Variants in COL4A1 observed in about 807,000 individuals in gnomAD.
COL4A1 encodes the protein collagen type IV alpha 1 chain.
A neutral mutation model predicts 216.6 loss-of-function variants in COL4A1; 40 were observed. That is an observed-to-expected ratio of 0.18 (90% CI 0.14 to 0.24). The LOEUF (loss-of-function observed/expected upper bound fraction) is 0.24, where lower values mean the gene tolerates loss of function less well. Ranked by LOEUF, COL4A1 falls within the 10% of genes least tolerant of loss-of-function variation. The pLI is 1.00. For synonymous variants in COL4A1, 839 were observed against 810.7 expected, an observed-to-expected ratio of 1.03 and a Z score of -0.59; for missense variants, 1,628 against 2,196.8, an observed-to-expected ratio of 0.74 and a Z score of 5.18.
At chr13:110,200,732 G>A (rs1879152178) in intron 20 of COL4A1, 122 bp downstream of exon 20, 2 of 1,073,450 alleles carry the variant, frequency 1.9e-6, no homozygotes, top group African/African-American at 3.1e-5. Context: ...TAGAAAAGAT[G>A]TCGTAAGATT....
At chr13:110,229,865 T>C (rs1026458123) in intron 2 of COL4A1, among the ~76,000 whole-genome samples, 1 of 152,222 alleles carries the variant, frequency 6.6e-6, no homozygotes, top group African/African-American at 2.4e-5. Context: ...GCCTCTGCCC[T>C]GTAAAATGTC....
intron 17 of COL4A1, among the ~76,000 whole-genome samples, chr13:110,204,274 T>C (rs1426395735): frequency 6.6e-6 from 1 of 152,206 alleles, no homozygotes; most frequent in East Asian, 1.9e-4. Context: ...TCCTTTTAAA[T>C]TAAGGCAGTA....
chr13:110,305,897 CAAAG>C (rs1884681069), intron 1 of COL4A1: 1 of 152,076 alleles, frequency 6.6e-6, no homozygotes, highest in Non-Finnish European at 1.5e-5. Flanking sequence ...AAGAGGAAAA[CAAAG>C]AACAAGATTA....
At chr13:110,236,782 G>C (rs1008955947) in intron 2 of COL4A1, among the ~76,000 whole-genome samples, 1 of 152,224 alleles carries the variant, frequency 6.6e-6, no homozygotes, top group Non-Finnish European at 1.5e-5. Context: ...CCTGAAACAG[G>C]CTTACTTCAA....
intron 1 of COL4A1, among the ~76,000 whole-genome samples, chr13:110,245,886 A>G (rs1412948080): frequency 6.6e-6 from 1 of 152,206 alleles, no homozygotes; most frequent in Non-Finnish European, 1.5e-5. Flanking sequence ...GGAAAATCAG[A>G]GATGAGACAG....
rs199586038 is a variant in COL4A1 at position 110,162,251 on chromosome 13, G to A, written c.4441C>T (p.Arg1481Trp). Reference protein sequence around the residue: ...YSLLYVQGNERAHGQDLGTAG... With the variant: ...YSLLYVQGNEWAHGQDLGTAG... The stretch of plus-strand genomic sequence containing the variant: ...TTACCCAAGTCCTGGCCATGGGCCC[G>A]TTCATTGCCTTGCACGTAGAGCAAA... Residue 1481 changes from arginine (R) to tryptophan (W), a missense_variant, in exon 48 of 52, where the codon CGG becomes TGG. This residue lies in a region of COL4A1 where 254 missense variants were observed against 300.1 expected (regional missense o/e 0.85). Coordinates refer to ENST00000375820, the MANE Select transcript of COL4A1 (RefSeq NM_001845.6). 5.4e-5 allele frequency: 87 copies of A among 1,614,174 alleles called. No homozygotes were observed. Among genetic ancestry groups the A allele is most frequent in the Admixed American group, 6.7e-5 (4 of 60,030 alleles).
chr13:110,184,829 G>C (rs1878331448), intron 26 of COL4A1, among the ~76,000 whole-genome samples: 1 of 152,152 alleles, frequency 6.6e-6, no homozygotes, highest in African/African-American at 2.4e-5. Context: ...TCCTGCCTCA[G>C]CCTCCCAAGT....
At chr13:110,210,285 T>G in intron 8 of COL4A1, 73 bp from the exon 9 acceptor site, 1 of 1,418,552 alleles carries the variant, frequency 7.0e-7, no homozygotes. Flanking sequence ...AACTCTTTGA[T>G]AGTTGGCATA....
intron 19 of COL4A1, 53 bp downstream of exon 19, chr13:110,201,385 G>C (rs1264881646): frequency 8.2e-7 from 1 of 1,218,734 alleles, no homozygotes; most frequent in Admixed American, 2.0e-5. Flanking sequence ...GGAAGAGGAG[G>C]AGGAGAGAAG....
rs1555302189 is a variant in COL4A1 at position 110,169,525 on chromosome 13, CAT to C, written c.3876+102_3876+103del. 956 of 1,498,810 alleles carry C rather than the reference CAT, an allele frequency of 6.4e-4. 1 individual carries two copies. Among genetic ancestry groups the C allele is most frequent in the African/African-American group, 4.4e-3 (296 of 67,698 alleles). 92.8% of individuals were successfully genotyped at this position (1,498,810 alleles called of 1,614,324 possible). A position where few individuals can be genotyped will look rare whatever the true frequency, so the allele number is the denominator to read the frequency against. On this transcript the variant is annotated intron_variant, in intron 43 of 51. Coordinates refer to ENST00000375820, the MANE Select transcript of COL4A1 (RefSeq NM_001845.6). ...ACACACACACACACACACACACACA[CAT>C]ATATATACATACACAAAATACATAC... is the stretch of plus-strand genomic sequence containing the variant.
At chr13:110,152,870 T>G (rs1876574491) in intron 50 of COL4A1, among the ~76,000 whole-genome samples, 2 of 152,260 alleles carry the variant, frequency 1.3e-5, no homozygotes, top group Admixed American at 6.5e-5. Context: ...GTTCAAATAA[T>G]GTTGTAAACA....
chr13:110,221,672 G>T (rs985803361), intron 2 of COL4A1, among the ~76,000 whole-genome samples: 33 of 152,230 alleles, frequency 2.2e-4, no homozygotes, highest in African/African-American at 7.7e-4. Context: ...AAGGTCTCCA[G>T]AGGCAACTAT....
chr13:110,259,257 T>C (rs2139274869), intron 1 of COL4A1, among the ~76,000 whole-genome samples: 1 of 152,368 alleles, frequency 6.6e-6, no homozygotes, highest in South Asian at 2.1e-4. Flanking sequence ...TATTTTTATT[T>C]TTTAGCTCAT....
chr13:110,165,985 C>G lies in COL4A1; in HGVS notation c.4021+247G>C, dbSNP rs616463. Among the ~76,000 whole-genome samples the G allele has an allele frequency of 0.6, 91,771 of 151,998 alleles. 28,401 individuals carry two copies. Among genetic ancestry groups the G allele is most frequent in the South Asian group, 0.68 (3,271 of 4,804 alleles). On this transcript the variant is annotated intron_variant, in intron 45 of 51. Coordinates refer to ENST00000375820, the MANE Select transcript of COL4A1 (RefSeq NM_001845.6). ...ATTCTGAGCCTGTCAGTGAGAACCT[C>G]GGCCACCCCTCCCCTGGAGTTCCCT... is the stretch of plus-strand genomic sequence containing the variant.
rs1880321634 is a variant in COL4A1, at chr13:110,219,775, T to TAC, written c.145-5761_145-5760insGT. The stretch of plus-strand genomic sequence containing the variant: ...GTGTATATATGCGTATATATGTATA[T>TAC]ATATGCGTATATATGTGTATATATG... On this transcript the variant is annotated intron_variant, in intron 2 of 51. Transcript: ENST00000375820. Among the ~76,000 whole-genome samples the TAC allele has an allele frequency of 3.4e-5, 5 of 145,276 alleles. 1 individual carries two copies. Among genetic ancestry groups the TAC allele is most frequent in the African/African-American group, 1.3e-4 (5 of 39,728 alleles).
chr13:110,241,170 T>TA (rs1881549495), intron 2 of COL4A1, among the ~76,000 whole-genome samples: 1 of 152,286 alleles, frequency 6.6e-6, no homozygotes, highest in East Asian at 1.9e-4. Flanking sequence ...ATGCCTGGCC[T>TA]AAAAAATATA....
intron 20 of COL4A1, among the ~76,000 whole-genome samples, chr13:110,199,430 TG>T: frequency 6.6e-6 from 1 of 152,104 alleles, no homozygotes; most frequent in Non-Finnish European, 1.5e-5. Flanking sequence ...AGCCTGTCAC[TG>T]GGGAGAAAAG....
chr13:110,212,270 C>T, intron 6 of COL4A1, 147 bp downstream of exon 6: 1 of 942,828 alleles, frequency 1.1e-6, no homozygotes, highest in South Asian at 1.4e-5. Flanking sequence ...AACTGTATTT[C>T]CTTACTAAAT....
chr13:110,231,250 G>C (rs1012849053), intron 2 of COL4A1, among the ~76,000 whole-genome samples: 3 of 152,230 alleles, frequency 2.0e-5, no homozygotes, highest in African/African-American at 7.2e-5. Context: ...CACACTCATG[G>C]AGATGTGTCC....
Sources: allele counts gnomAD v4.1 joint callset (sites outside exome capture counted in the v4.1 genomes callset), GRCh38; gene constraint gnomAD v4.1.1; regional missense constraint gnomAD v4.1.1; transcripts MANE v1.5; gene names NCBI Gene and HGNC (gene_info 2026-07-23, HGNC 2026-07-21).